ALK: variants seen among roughly 807,000 people sequenced by gnomAD.
ALK encodes the protein ALK receptor tyrosine kinase, also known as ALK tyrosine kinase receptor.
In ALK, 74 loss-of-function variants were observed where a neutral mutation model predicts 163.1. The observed-to-expected ratio is 0.45, with a 90% CI of 0.38 to 0.55. ALK has a LOEUF of 0.55. Ranked by LOEUF, ALK falls within the 20% of genes least tolerant of loss-of-function variation. ALK has a pLI of 0.00. For synonymous variants in ALK, 960 were observed against 843.2 expected (o/e 1.14, Z -2.40); for missense variants, 2,063 against 2,105.3 (o/e 0.98, Z 0.39).
At chr2:29,871,981 A>G (rs1418418733) in intron 1 of ALK, among the ~76,000 whole-genome samples, 1 of 152,174 alleles carries the variant, frequency 6.6e-6, no homozygotes, top group Admixed American at 6.5e-5. Context: ...CAGGCAGCCC[A>G]TTGTCCTCCA....
intron 1 of ALK, among the ~76,000 whole-genome samples, chr2:29,887,646 G>A (rs1481931459): frequency 1.3e-5 from 2 of 152,288 alleles, no homozygotes; most frequent in Admixed American, 6.5e-5. Flanking sequence ...GTAGGCCTGA[G>A]GGTTGGGCCT....
intron 3 of ALK, among the ~76,000 whole-genome samples, chr2:29,597,889 G>A (rs1314126389): frequency 4.6e-5 from 7 of 152,174 alleles, no homozygotes; most frequent in Admixed American, 3.9e-4. Context: ...GAGAGGAGCA[G>A]AGCACCCATG....
intron 1 of ALK, among the ~76,000 whole-genome samples, chr2:29,861,310 A>C (rs1356546209): frequency 2.6e-5 from 4 of 152,228 alleles, no homozygotes; most frequent in Non-Finnish European, 4.4e-5. Context: ...GAACAGAAAT[A>C]AATGAAACAG....
chr2:29,364,591 G>A (rs1015859068), intron 5 of ALK, among the ~76,000 whole-genome samples: 1 of 152,114 alleles, frequency 6.6e-6, no homozygotes, highest in Non-Finnish European at 1.5e-5. Flanking sequence ...CCCAGTGTAG[G>A]GTCCTTGCTA....
rs114553810 is a variant in ALK at position 29,200,388 on chromosome 2, G to T, written c.3939-2712C>A. On this transcript the variant is annotated intron_variant, in intron 26 of 28. Transcript: ENST00000389048. ...TTAGAGTTCAAGGGAGCAAGAAGTAGTATTGGTCATAGAACTTTGACAATT... is the reference window on the plus strand; with the variant it reads ...TTAGAGTTCAAGGGAGCAAGAAGTATTATTGGTCATAGAACTTTGACAATT... 3.6e-3 allele frequency among the ~76,000 whole-genome samples: 550 copies of T among 152,238 alleles called. 7 individuals carry two copies. The highest frequency in any genetic ancestry group is 0.012 in the African/African-American group (506 of 41,552).
intron 4 of ALK, among the ~76,000 whole-genome samples, chr2:29,413,724 G>C (rs888434510): frequency 6.6e-6 from 1 of 152,080 alleles, no homozygotes; most frequent in Admixed American, 6.5e-5. Flanking sequence ...GTAGAGACAG[G>C]GTTTCACCAT....
intron 3 of ALK, among the ~76,000 whole-genome samples, chr2:29,559,146 T>C (rs1436737963): frequency 1.3e-5 from 2 of 152,194 alleles, no homozygotes; most frequent in East Asian, 3.9e-4. Flanking sequence ...CTGGATGGAC[T>C]TTTGCTTATC....
At chr2:29,675,543 T>G (rs546860143) in intron 3 of ALK, among the ~76,000 whole-genome samples, 1 of 151,996 alleles carries the variant, frequency 6.6e-6, no homozygotes, top group Admixed American at 6.6e-5. Context: ...CCTCAGTACC[T>G]TGAAGGATAG....
chr2:29,651,069 T>C (rs1476475684), intron 3 of ALK, among the ~76,000 whole-genome samples: 3 of 152,050 alleles, frequency 2.0e-5, no homozygotes, highest in Non-Finnish European at 4.4e-5. Context: ...CAGAAGCCGA[T>C]ATGGGTGTTT....
chr2:29,768,081 G>C (rs1680912986), intron 1 of ALK, among the ~76,000 whole-genome samples: 1 of 152,194 alleles, frequency 6.6e-6, no homozygotes, highest in South Asian at 2.1e-4. Context: ...ATATCGGCTG[G>C]AGTATCCCAA....
intron 4 of ALK, among the ~76,000 whole-genome samples, chr2:29,512,609 A>T (rs1469706498): frequency 6.7e-6 from 1 of 148,636 alleles, no homozygotes; most frequent in East Asian, 2.0e-4. Flanking sequence ...GCCCTCTCTC[A>T]CCACTCCTAT....
intron 2 of ALK, among the ~76,000 whole-genome samples, chr2:29,714,177 C>A (rs1415599188): frequency 6.6e-6 from 1 of 152,084 alleles, no homozygotes; most frequent in Non-Finnish European, 1.5e-5. Flanking sequence ...AAAATAAAGT[C>A]TTTCTTTAGA....
At chr2:29,671,302 A>G (rs1401090167) in intron 3 of ALK, among the ~76,000 whole-genome samples, 1 of 152,088 alleles carries the variant, frequency 6.6e-6, no homozygotes, top group Non-Finnish European at 1.5e-5. Flanking sequence ...GTAGTGTGGG[A>G]AGGCTGGCTA....
At chr2:29,879,925 A>G (rs1248971358) in intron 1 of ALK, among the ~76,000 whole-genome samples, 1 of 152,206 alleles carries the variant, frequency 6.6e-6, no homozygotes, top group African/African-American at 2.4e-5. Flanking sequence ...CAAAGGGACA[A>G]ATTATTACTT....
chr2:29,392,499 T>C (rs1312194555), intron 4 of ALK, among the ~76,000 whole-genome samples: 3 of 152,214 alleles, frequency 2.0e-5, no homozygotes, highest in African/African-American at 7.2e-5. Flanking sequence ...CCCCTTTCAT[T>C]GTTGCCTCAG....
chr2:29,337,722 C>A (rs1166785047), intron 5 of ALK, among the ~76,000 whole-genome samples: 6 of 152,168 alleles, frequency 3.9e-5, no homozygotes, highest in African/African-American at 1.4e-4. Flanking sequence ...GCACTTCTCA[C>A]CACCCCCACC....
chr2:29,767,843 C>T (rs1020730314), intron 1 of ALK, among the ~76,000 whole-genome samples: 1 of 152,162 alleles, frequency 6.6e-6, no homozygotes, highest in Non-Finnish European at 1.5e-5. Flanking sequence ...TGTGTCCTGT[C>T]AACAGGGATG....
At chr2:29,866,332 G>A (rs569002299) in intron 1 of ALK, among the ~76,000 whole-genome samples, 1 of 152,264 alleles carries the variant, frequency 6.6e-6, no homozygotes, top group East Asian at 1.9e-4. Context: ...TGAAAGGAAG[G>A]GCAGTCAGCC....
intron 4 of ALK, among the ~76,000 whole-genome samples, chr2:29,507,195 A>G (rs1672351759): frequency 6.6e-6 from 1 of 152,234 alleles, no homozygotes; most frequent in Non-Finnish European, 1.5e-5. Context: ...ATTCAGCATT[A>G]AAAAAGGAAG....
Sources: gnomAD v4.1 joint callset for allele counts (sites outside exome capture counted in the v4.1 genomes callset) on GRCh38, gnomAD v4.1.1 for gene constraint, MANE v1.5 for transcripts, NCBI Gene and HGNC (gene_info 2026-07-23, HGNC 2026-07-21) for gene names.